ACTL8: variants seen among roughly 807,000 people sequenced by gnomAD.
The protein encoded by ACTL8 is actin-like protein 8.
A neutral mutation model predicts 9.3 loss-of-function variants in ACTL8; 3 were observed. That is an observed-to-expected ratio of 0.32 (90% confidence interval 0.15 to 0.83). ACTL8 has a LOEUF of 0.83. Ranked by LOEUF, ACTL8 falls within the 40% of genes least tolerant of loss-of-function variation. ACTL8 has a pLI of 0.57. For missense variants in ACTL8, 381 were observed against 492.2 expected, an observed-to-expected ratio of 0.77 and a Z score of 2.14; for synonymous variants, 224 against 205.9, an observed-to-expected ratio of 1.09 and a Z score of -0.75.
chr1:17,793,000 C>T (rs2066251317), intron 1 of ACTL8, among the ~76,000 whole-genome samples: 1 of 152,260 alleles, frequency 6.6e-6, no homozygotes, highest in South Asian at 2.1e-4. Context: ...GGCTTCTTGC[C>T]CTGGGAGAGA....
chr1:17,812,791 C>A (rs2066402097), intron 1 of ACTL8, among the ~76,000 whole-genome samples: 1 of 152,052 alleles, frequency 6.6e-6, no homozygotes, highest in Non-Finnish European at 1.5e-5. Context: ...CCACACCTGG[C>A]CATCTCTCTA....
At chr1:17,787,275 C>CT (rs1053487102) in intron 1 of ACTL8, among the ~76,000 whole-genome samples, 30 of 151,100 alleles carry the variant, frequency 2.0e-4, no homozygotes, top group East Asian at 2.0e-3. Flanking sequence ...CTAGTGCATT[C>CT]TTTTTTTTTG....
chr1:17,756,497 T>C (rs2065970104), intron 1 of ACTL8, among the ~76,000 whole-genome samples: 1 of 152,210 alleles, frequency 6.6e-6, no homozygotes, highest in Non-Finnish European at 1.5e-5. Context: ...CTGTATTAAT[T>C]ATCGTTCTCT....
chr1:17,812,944 G>T (rs634208), intron 1 of ACTL8, among the ~76,000 whole-genome samples: 73,396 of 151,988 alleles, frequency 0.48, 18,215 homozygotes, highest in East Asian at 0.68. Context: ...ACTTTTCAGC[G>T]ATTTATTGAT....
intron 1 of ACTL8, among the ~76,000 whole-genome samples, chr1:17,803,977 A>G (rs1283985600): frequency 6.6e-6 from 1 of 152,222 alleles, no homozygotes; most frequent in Non-Finnish European, 1.5e-5. Context: ...ATATGGCCTA[A>G]GTGACATCAC....
chr1:17,768,026 C>CGT (rs1336688777), intron 1 of ACTL8, among the ~76,000 whole-genome samples: 2 of 151,934 alleles, frequency 1.3e-5, no homozygotes, highest in Admixed American at 1.3e-4. Flanking sequence ...GTCAGGGCTC[C>CGT]GTGTGTGTAA....
At chr1:17,824,976 GGTGA>G (rs1238617343) in intron 2 of ACTL8, among the ~76,000 whole-genome samples, 1 of 152,058 alleles carries the variant, frequency 6.6e-6, no homozygotes, top group Admixed American at 6.5e-5. Flanking sequence ...GGCTTGAAGA[GGTGA>G]GTAAGTGGCT....
In ACTL8 at chr1:17,826,220, C is replaced by T. The variant is rs765781583; in HGVS notation, c.802C>T (p.Pro268Ser). The T allele has an allele frequency of 3.8e-5, 61 of 1,613,476 alleles. 1 individual carries two copies. In the South Asian group the frequency reaches 6.6e-4, roughly 17 times the overall value. The change falls in exon 3 of 3, where the codon CCG (proline) becomes TCG (serine). Residue 268 changes from proline (P) to serine (S), a missense_variant. Coordinates refer to ENST00000375406, the MANE Select transcript of ACTL8 (RefSeq NM_030812.3). The surrounding 1 kb of genome is among the most constrained non-coding windows in gnomAD (Gnocchi z 4.5). Reference sequence around the variant, plus strand: ...CTTTAGCCCGCAGGTGTTCGAGCAGCCGGGGCCCAGCATCCCACGGGCCAT... The same window carrying T: ...CTTTAGCCCGCAGGTGTTCGAGCAGTCGGGGCCCAGCATCCCACGGGCCAT... ...MFFSPQVFEQ[P>S]GPSIPRAIVE...
chr1:17,761,345 A>G (rs2066001295), intron 1 of ACTL8, among the ~76,000 whole-genome samples: 1 of 151,948 alleles, frequency 6.6e-6, no homozygotes, highest in African/African-American at 2.4e-5. Flanking sequence ...GACTTAATAA[A>G]TGCATGTTTC....
intron 1 of ACTL8, among the ~76,000 whole-genome samples, chr1:17,760,430 G>A (rs1245384533): frequency 1.3e-5 from 2 of 152,150 alleles, no homozygotes; most frequent in African/African-American, 4.8e-5. Context: ...GCATAGGATC[G>A]TTGGCAGGAC....
intron 1 of ACTL8, among the ~76,000 whole-genome samples, chr1:17,760,786 C>T (rs1371175742): frequency 1.3e-5 from 2 of 152,312 alleles, no homozygotes; most frequent in South Asian, 2.1e-4. Flanking sequence ...TGACAATCAC[C>T]TCAGCTGGCA....
chr1:17,765,731 T>C (rs911714701), intron 1 of ACTL8, among the ~76,000 whole-genome samples: 1 of 152,234 alleles, frequency 6.6e-6, no homozygotes, highest in African/African-American at 2.4e-5. Context: ...CTCCCCGGAA[T>C]GTGAGGTCTC....
rs570507003 is a variant in ACTL8 at position 17,786,982 on chromosome 1, G to A, written c.-25+31478G>A. Reference sequence around the variant, plus strand: ...CTCCCAAAACCCTGGGATGACAGGTGTGAGCCATCACGCCTGGCCCTGACA... The same window carrying A: ...CTCCCAAAACCCTGGGATGACAGGTATGAGCCATCACGCCTGGCCCTGACA... On this transcript the variant is annotated intron_variant, in intron 1 of 2. Transcript: ENST00000375406. 7.9e-5 allele frequency among the ~76,000 whole-genome samples: 12 copies of A among 152,108 alleles called. No individual in the cohort carries two copies. In the South Asian group the frequency reaches 1.5e-3, roughly 18 times the overall value.
intron 1 of ACTL8, among the ~76,000 whole-genome samples, chr1:17,762,419 C>CA (rs1034621013): frequency 6.6e-6 from 1 of 152,104 alleles, no homozygotes; most frequent in African/African-American, 2.4e-5. Context: ...CATTTAAAAC[C>CA]AGAGGCCCAG....
intron 1 of ACTL8, among the ~76,000 whole-genome samples, chr1:17,756,743 A>G (rs2065971346): frequency 6.6e-6 from 1 of 152,126 alleles, no homozygotes; most frequent in Non-Finnish European, 1.5e-5. Flanking sequence ...TTCCTTGCCA[A>G]TGGGAAATGG....
chr1:17,772,711 T>C (rs1406099215), intron 1 of ACTL8, among the ~76,000 whole-genome samples: 1 of 152,192 alleles, frequency 6.6e-6, no homozygotes, highest in African/African-American at 2.4e-5. Flanking sequence ...CATGCATCCC[T>C]AGCTCCCAGC....
intron 1 of ACTL8, among the ~76,000 whole-genome samples, chr1:17,779,866 G>A (rs2066143180): frequency 6.6e-6 from 1 of 152,148 alleles, no homozygotes; most frequent in African/African-American, 2.4e-5. Context: ...GACCTGGCTA[G>A]GGGTAAGCAC....
chr1:17,775,853 C>T (rs917867627), intron 1 of ACTL8, among the ~76,000 whole-genome samples: 1 of 152,150 alleles, frequency 6.6e-6, no homozygotes, highest in African/African-American at 2.4e-5. Context: ...AGTAGACAGA[C>T]CAAGGCTAAT....
At chr1:17,761,863 G>C (rs1047689531) in intron 1 of ACTL8, among the ~76,000 whole-genome samples, 1 of 152,040 alleles carries the variant, frequency 6.6e-6, no homozygotes, top group Non-Finnish European at 1.5e-5. Flanking sequence ...GAGCTGCCGC[G>C]CCCGGCCCTG....
Sources: allele counts gnomAD v4.1 joint callset (sites outside exome capture counted in the v4.1 genomes callset), GRCh38; gene constraint gnomAD v4.1.1; non-coding constraint Gnocchi (gnomAD v3.1); transcripts MANE v1.5; gene names NCBI Gene and HGNC (gene_info 2026-07-23, HGNC 2026-07-21).